The following CACNA1I variants were observed in gnomAD, a reference collection of about 807,000 sequenced individuals.
CACNA1I encodes the protein calcium voltage-gated channel subunit alpha1 I.
In CACNA1I, 74 loss-of-function variants were observed where a neutral mutation model predicts 201.6. The ratio of observed to expected loss-of-function variants is 0.37; its 90% confidence interval spans 0.30 to 0.45. CACNA1I has a LOEUF of 0.45. CACNA1I is among the 20% of genes least tolerant of loss of function. The pLI is 1.00. For missense variants in CACNA1I, 2,346 were observed against 3,138.1 expected (o/e 0.75, Z 6.03); for synonymous variants, 1,431 against 1,345.2 (o/e 1.06, Z -1.40).
Position 39,646,782 on chromosome 22 carries a change from G to A in CACNA1I, c.1363G>A (p.Gly455Ser), listed in dbSNP as rs1409942015. Residue 455 changes from glycine (G) to serine (S), a missense_variant, in exon 8 of 37, where the codon GGC (glycine) becomes AGC (serine). Physicochemically the swap from Gly to Ser is moderately conservative, Grantham distance 56. Around this residue, in one of 13 missense-constraint regions of CACNA1I, gnomAD observed 312 missense variants for 331.5 expected, o/e 0.94. Transcript: ENST00000402142. The part of the protein sequence containing the change: ...ILRKAKRRAL[G>S]LYQALQSRRQ... ...GCGCAAGGCCAAGCGCCGCGCCCTG[G>A]GCCTCTACCAGGCCCTGCAGAGCCG... The A allele has an allele frequency of 6.4e-7, 1 of 1,574,720 alleles. No individual in the cohort carries two copies.
At chr22:39,601,474 G>A (rs1020718149) in intron 3 of CACNA1I, among the ~76,000 whole-genome samples, 10 of 152,178 alleles carry the variant, frequency 6.6e-5, no homozygotes, top group Admixed American at 2.6e-4. Context: ...GAGGTGACAC[G>A]GGAGAGCTGA....
intron 3 of CACNA1I, among the ~76,000 whole-genome samples, chr22:39,618,298 C>T (rs1342370460): frequency 4.8e-5 from 4 of 82,772 alleles, no homozygotes; most frequent in Admixed American, 1.1e-4. Flanking sequence ...ACTGTGTGTG[C>T]AGGTGTGTGA....
chr22:39,642,958 G>A, intron 7 of CACNA1I, 69 bp downstream of exon 7: 1 of 1,088,464 alleles, frequency 9.2e-7, no homozygotes. Context: ...TGAGGAGGGA[G>A]GGTCTTTGGG....
At chr22:39,571,824 C>T (rs1427705363) in intron 1 of CACNA1I, among the ~76,000 whole-genome samples, 5 of 152,266 alleles carry the variant, frequency 3.3e-5, no homozygotes, top group Non-Finnish European at 5.9e-5. Flanking sequence ...TAACATTTGC[C>T]TCCCCTGGGG....
Position 39,686,609 on chromosome 22 carries a change from CAT to C in CACNA1I, c.*219_*220del, listed in dbSNP as rs66465962. 88,114 of 134,914 alleles carry C rather than the reference CAT, an allele frequency of 0.65. 29,084 individuals carry two copies. The highest frequency in any genetic ancestry group is 0.98 in the East Asian group (4,281 of 4,368). 8.4% of individuals were successfully genotyped at this position (134,914 alleles called of 1,614,324 possible). A position where few individuals can be genotyped will look rare whatever the true frequency, so the allele number is the denominator to read the frequency against. ...GTGGCCCTTCCAGTGCATATACATA[CAT>C]ATATATATATATATGCATATATATA... On this transcript the variant is annotated 3_prime_UTR_variant, in exon 37 of 37. Transcript: ENST00000402142.
intron 10 of CACNA1I, among the ~76,000 whole-genome samples, chr22:39,655,336 A>G (rs1435431276): frequency 6.6e-6 from 1 of 152,048 alleles, no homozygotes; most frequent in Admixed American, 6.5e-5. Flanking sequence ...GCCTGGTGTC[A>G]CCCAAACCCG....
At chr22:39,630,858 T>A (rs1489201053) in intron 4 of CACNA1I, among the ~76,000 whole-genome samples, 1 of 152,132 alleles carries the variant, frequency 6.6e-6, no homozygotes, top group Non-Finnish European at 1.5e-5. Flanking sequence ...AGTTCCGGGA[T>A]CCTATGGCAG....
At chr22:39,595,650 C>T (rs902449273) in intron 1 of CACNA1I, among the ~76,000 whole-genome samples, 8 of 151,668 alleles carry the variant, frequency 5.3e-5, no homozygotes, top group Non-Finnish European at 1.0e-4. Flanking sequence ...ATTAGAATCA[C>T]GTACGATAAT....
intron 29 of CACNA1I, among the ~76,000 whole-genome samples, chr22:39,675,556 G>A (rs1247869573): frequency 6.6e-6 from 1 of 152,232 alleles, no homozygotes; most frequent in Non-Finnish European, 1.5e-5. Context: ...AAGTGCCACT[G>A]GCCGTGAAAT....
chr22:39,588,868 C>T (rs132579), intron 1 of CACNA1I, among the ~76,000 whole-genome samples: 140,892 of 152,234 alleles, frequency 0.93, 65,425 homozygotes, highest in Middle Eastern at 0.96. Context: ...ATTGGAGTTA[C>T]GCGTTGTTTG....
At chr22:39,678,960 G>C in intron 31 of CACNA1I, 147 bp from the exon 32 acceptor site, 1 of 623,846 alleles carries the variant, frequency 1.6e-6, no homozygotes, top group Non-Finnish European at 2.7e-6. Context: ...GCCGCAACAA[G>C]GCAGAGTGGG....
At position 39,582,557 on chromosome 22, in the gene CACNA1I, G is replaced by A. The variant is rs114641433; in HGVS notation, c.236+11569G>A. 6.8e-3 allele frequency among the ~76,000 whole-genome samples: 1,041 copies of A among 152,242 alleles called. 14 individuals carry two copies. Among genetic ancestry groups the A allele is most frequent in the African/African-American group, 0.024 (1,013 of 41,516 alleles). On this transcript the variant is annotated intron_variant, in intron 1 of 36. Coordinates refer to ENST00000402142, the MANE Select transcript of CACNA1I (RefSeq NM_021096.4). ...TGAGATCTCTTGAAGCTCTGAAAGTGTAGAACAGTATGGAGTCGAGGGCCT... is the reference window on the plus strand; with the variant it reads ...TGAGATCTCTTGAAGCTCTGAAAGTATAGAACAGTATGGAGTCGAGGGCCT...
Position 39,682,504 on chromosome 22 carries a change from G to A in CACNA1I, c.5673G>A (p.Leu1891=), listed in dbSNP as rs751444097. 6.2e-7 allele frequency: 1 copy of A among 1,613,398 alleles called. No homozygotes were observed. The change falls in exon 35 of 37, where the codon CTG becomes CTA. Residue 1891 remains leucine, a synonymous_variant. Transcript: ENST00000402142. ...PPGRKDSKGE[L]DPPEPMRVGD... is the part of the protein sequence containing the mutation. ...CCTCCCTTTCCTTGCAGGGTGAGCT[G>A]GACCCACCTGAGCCCATGCGTGTGG...
chr22:39,680,619 T>G (rs975474277), intron 33 of CACNA1I, among the ~76,000 whole-genome samples: 1 of 152,118 alleles, frequency 6.6e-6, no homozygotes, highest in Non-Finnish European at 1.5e-5. Context: ...GACGGGCACT[T>G]GGTCTGGGGG....
Position 39,637,735 on chromosome 22 carries a change from T to A in CACNA1I, c.740+3011T>A, listed in dbSNP as rs73424182. Among the ~76,000 whole-genome samples, 679 of 152,322 alleles carry A rather than the reference T, an allele frequency of 4.5e-3. 7 individuals carry two copies. Among genetic ancestry groups the A allele is most frequent in the African/African-American group, 0.015 (638 of 41,572 alleles). Reference sequence around the variant, plus strand: ...TTAACGGTGTCTTTTGATGAATGAATCTCTTAGTTGTAATGAAGTCCAGTT... The same window carrying A: ...TTAACGGTGTCTTTTGATGAATGAAACTCTTAGTTGTAATGAAGTCCAGTT... On this transcript the variant is annotated intron_variant, in intron 5 of 36. Coordinates refer to ENST00000402142, the MANE Select transcript of CACNA1I (RefSeq NM_021096.4).
At chr22:39,616,392 A>G (rs1435718972) in intron 3 of CACNA1I, among the ~76,000 whole-genome samples, 1 of 152,114 alleles carries the variant, frequency 6.6e-6, no homozygotes, top group African/African-American at 2.4e-5. Context: ...ATCCAGTCAC[A>G]ACTTGTATCT....
chr22:39,600,737 G>A (rs1438315487), intron 3 of CACNA1I, 84 bp downstream of exon 3: 10 of 1,451,112 alleles, frequency 6.9e-6, no homozygotes, highest in Admixed American at 2.9e-5. Flanking sequence ...TGCTGATGGC[G>A]ATGAAGGGGA....
At chr22:39,597,022 T>C (rs1932908146) in intron 1 of CACNA1I, among the ~76,000 whole-genome samples, 1 of 152,194 alleles carries the variant, frequency 6.6e-6, no homozygotes, top group South Asian at 2.1e-4. Flanking sequence ...ACTCCAGTCA[T>C]TGCCTGTTAA....
In CACNA1I at chr22:39,665,676, G is replaced by A; in HGVS notation, c.3978+52G>A. On this transcript the variant is annotated intron_variant, in intron 22 of 36. Coordinates refer to ENST00000402142, the MANE Select transcript of CACNA1I (RefSeq NM_021096.4). This position sits in a 1 kb window ranked among gnomAD's most constrained non-coding sequence, Gnocchi z 5.5. ...ACTGGGCTCTGTGACTGGGGAAAAG[G>A]AAGTCTCAGACAGCCAGGGGAGAGA... is the stretch of plus-strand genomic sequence containing the variant. 6.3e-7 allele frequency: 1 copy of A among 1,598,254 alleles called. No homozygotes were observed. The highest frequency in any genetic ancestry group is 8.6e-7 in the Non-Finnish European group (1 of 1,168,822).
Sources: gnomAD v4.1 joint callset for allele counts (sites outside exome capture counted in the v4.1 genomes callset) on GRCh38, gnomAD v4.1.1 for gene constraint, gnomAD v4.1.1 regional missense constraint, Gnocchi (gnomAD v3.1) non-coding constraint, MANE v1.5 for transcripts, NCBI Gene and HGNC (gene_info 2026-07-23, HGNC 2026-07-21) for gene names.